BAIAP2L1: variants seen among roughly 807,000 people sequenced by gnomAD.
BAIAP2L1 encodes the protein BAR/IMD domain containing adaptor protein 2 like 1.
A neutral mutation model predicts 66.3 loss-of-function variants in BAIAP2L1; 35 were observed. That is an observed-to-expected ratio of 0.53 (90% CI 0.40 to 0.70). BAIAP2L1 has a LOEUF of 0.70. Among genes scored for constraint, BAIAP2L1 ranks in the 30% least tolerant of loss-of-function variants. The probability of loss-of-function intolerance (pLI) is 0.00; values close to 1 mark genes in which losing one functional copy is unlikely to be tolerated. For synonymous variants in BAIAP2L1, 269 were observed against 248.7 expected (o/e 1.08, Z -0.77); for missense variants, 622 against 656.9 (o/e 0.95, Z 0.58).
chr7:98,363,545 G>A (rs1802321017), intron 1 of BAIAP2L1, among the ~76,000 whole-genome samples: 1 of 152,176 alleles, frequency 6.6e-6, no homozygotes, highest in African/African-American at 2.4e-5. Flanking sequence ...ACAAGTATAA[G>A]ACAAATAACT....
At chr7:98,398,306 T>C (rs3801251) in intron 1 of BAIAP2L1, among the ~76,000 whole-genome samples, 58,526 of 151,982 alleles carry the variant, frequency 0.39, 12,628 homozygotes, top group Middle Eastern at 0.55. Context: ...GGGGCAGGGC[T>C]GGATAGGGGG....
chr7:98,350,537 T>C (rs1365017987), intron 3 of BAIAP2L1, among the ~76,000 whole-genome samples: 2 of 152,052 alleles, frequency 1.3e-5, no homozygotes, highest in Non-Finnish European at 2.9e-5. Context: ...TGTGCACCTG[T>C]AGTCGCAGCT....
chr7:98,388,480 G>A (rs140405842), intron 1 of BAIAP2L1, among the ~76,000 whole-genome samples: 8 of 148,758 alleles, frequency 5.4e-5, no homozygotes, highest in East Asian at 4.0e-4. Context: ...GTGACAGGGC[G>A]AGACTCCCTC....
intron 3 of BAIAP2L1, among the ~76,000 whole-genome samples, chr7:98,340,635 A>C (rs1269472592): frequency 6.6e-6 from 1 of 152,138 alleles, no homozygotes; most frequent in Admixed American, 6.5e-5. Context: ...ATATATACTC[A>C]CTTCAAAGCT....
intron 3 of BAIAP2L1, among the ~76,000 whole-genome samples, chr7:98,348,281 T>C (rs777172111): frequency 2.2e-4 from 34 of 151,790 alleles, no homozygotes; most frequent in Non-Finnish European, 4.4e-4. Flanking sequence ...AAAATATATA[T>C]TCTGGCCAGG....
intron 1 of BAIAP2L1, among the ~76,000 whole-genome samples, chr7:98,393,078 C>CATATATGTATATAT (rs1562795839): frequency 7.8e-5 from 10 of 128,418 alleles, no homozygotes; most frequent in African/African-American, 3.1e-4. Context: ...TATGTATACA[C>CATATATGTATATAT]ACACATATAT....
At chr7:98,375,391 C>T (rs1281929463) in intron 1 of BAIAP2L1, among the ~76,000 whole-genome samples, 1 of 141,152 alleles carries the variant, frequency 7.1e-6, no homozygotes, top group Non-Finnish European at 1.5e-5. Flanking sequence ...AACACTCCAT[C>T]TTAAAAAAAA....
intron 1 of BAIAP2L1, 150 bp downstream of exon 1, chr7:98,400,652 G>A (rs1562798801): frequency 3.5e-6 from 3 of 864,494 alleles, no homozygotes; most frequent in Non-Finnish European, 5.6e-6. Flanking sequence ...GCTGTGGAGG[G>A]CCAGGGGAGG....
intron 1 of BAIAP2L1, among the ~76,000 whole-genome samples, chr7:98,377,818 T>G (rs1275606054): frequency 1.3e-4 from 2 of 14,854 alleles, no homozygotes; most frequent in South Asian, 5.0e-3. Context: ...AGACTCAATC[T>G]CAAAAAAAAA....
chr7:98,310,431 A>G lies in BAIAP2L1; in HGVS notation c.955+14T>C. The stretch of plus-strand genomic sequence containing the variant: ...TAAAAGGTATCTTCAAATAAATCAG[A>G]CTGAATCTCTTACCTGTTGAATTAT... On this transcript the variant is annotated intron_variant, in intron 9 of 13. Coordinates refer to ENST00000005260, the MANE Select transcript of BAIAP2L1 (RefSeq NM_018842.5). The G allele has an allele frequency of 6.3e-7, 1 of 1,576,262 alleles. No individual in the cohort carries two copies. Among genetic ancestry groups the G allele is most frequent in the Non-Finnish European group, 8.6e-7 (1 of 1,167,596 alleles).
At chr7:98,323,406 T>G (rs1801299868) in intron 3 of BAIAP2L1, 1 of 152,188 alleles carries the variant, frequency 6.6e-6, no homozygotes, top group South Asian at 2.1e-4. Context: ...TTAAAATACA[T>G]AAATAAATAA....
chr7:98,322,352 G>A (rs1433454130), intron 3 of BAIAP2L1, among the ~76,000 whole-genome samples: 6 of 152,082 alleles, frequency 3.9e-5, no homozygotes, highest in Non-Finnish European at 7.4e-5. Context: ...CCACGCAGAC[G>A]TCCCATTGGG....
chr7:98,399,860 T>C (rs1803310709), intron 1 of BAIAP2L1: 1 of 152,170 alleles, frequency 6.6e-6, no homozygotes, highest in Admixed American at 6.6e-5. Context: ...TCGGTTGTTC[T>C]TTGACTTCAA....
intron 12 of BAIAP2L1, among the ~76,000 whole-genome samples, chr7:98,296,624 TA>T (rs1417221044): frequency 6.6e-6 from 1 of 151,870 alleles, no homozygotes; most frequent in Non-Finnish European, 1.5e-5. Context: ...ACTCCATCTG[TA>T]AAAAACAAAA....
At chr7:98,384,039 A>G (rs1019525828) in intron 1 of BAIAP2L1, among the ~76,000 whole-genome samples, 29 of 152,164 alleles carry the variant, frequency 1.9e-4, no homozygotes, top group Admixed American at 3.3e-4. Flanking sequence ...CTGTAATCCC[A>G]GCTACTCAGG....
intron 3 of BAIAP2L1, among the ~76,000 whole-genome samples, chr7:98,347,196 T>A (rs1289057413): frequency 6.6e-6 from 1 of 152,182 alleles, no homozygotes; most frequent in African/African-American, 2.4e-5. Context: ...TAAGCCCTAT[T>A]TACACCACTC....
At chr7:98,377,061 TAC>T (rs1491491825) in intron 1 of BAIAP2L1, among the ~76,000 whole-genome samples, 1 of 152,194 alleles carries the variant, frequency 6.6e-6, no homozygotes, top group Non-Finnish European at 1.5e-5. Context: ...GCTTAAGGGC[TAC>T]AGAGTCAGCT....
At chr7:98,378,617 AACT>A (rs1015160403) in intron 1 of BAIAP2L1, among the ~76,000 whole-genome samples, 1 of 152,076 alleles carries the variant, frequency 6.6e-6, no homozygotes, top group African/African-American at 2.4e-5. Context: ...CCTTGGTAGA[AACT>A]ACATGTAATC....
At position 98,400,800 on chromosome 7, in the gene BAIAP2L1, A is replaced by C; in HGVS notation, c.51+2T>G. On this transcript the variant is annotated splice_donor_variant, in intron 1 of 13. Transcript: ENST00000005260. LOFTEE classifies it high-confidence loss of function. The stretch of plus-strand genomic sequence containing the variant: ...TCCCTGAGCCCCGGGCCCTGGGCTT[A>C]CCCGGTAGGTGCTCTCCGTGAGCCG... 6.5e-7 allele frequency: 1 copy of C among 1,548,838 alleles called. No individual in the cohort carries two copies. Among genetic ancestry groups the C allele is most frequent in the Non-Finnish European group, 8.7e-7 (1 of 1,146,152 alleles).
Sources: allele counts gnomAD v4.1 joint callset (sites outside exome capture counted in the v4.1 genomes callset), GRCh38; gene constraint gnomAD v4.1.1; transcripts MANE v1.5; gene names NCBI Gene and HGNC (gene_info 2026-07-23, HGNC 2026-07-21).